The following RNF121 variants were observed in gnomAD, a reference collection of about 807,000 sequenced individuals.
The protein encoded by RNF121 is ring finger protein 121.
RNF121 carries 21 observed loss-of-function variants against 46.5 expected under a neutral mutation model. The ratio of observed to expected loss-of-function variants is 0.45; its 90% CI spans 0.32 to 0.65. The LOEUF is 0.65. Among genes scored for constraint, RNF121 ranks in the 30% least tolerant of loss-of-function variants. RNF121 has a pLI of 0.04. For missense variants in RNF121, 346 were observed against 416.0 expected (o/e 0.83, Z 1.46); for synonymous variants, 139 against 144.7 (o/e 0.96, Z 0.28).
chr11:71,945,862 C>T (rs977301493), intron 1 of RNF121, among the ~76,000 whole-genome samples: 1 of 152,112 alleles, frequency 6.6e-6, no homozygotes, highest in African/African-American at 2.4e-5. Context: ...CCTGTAATCC[C>T]AGCACTTTGG....
At chr11:71,993,601 G>A (rs534424382) in intron 6 of RNF121, among the ~76,000 whole-genome samples, 5 of 152,204 alleles carry the variant, frequency 3.3e-5, no homozygotes, top group African/African-American at 1.2e-4. Flanking sequence ...ATTCATCTGT[G>A]GATAGGCACT....
chr11:71,986,895 C>T (rs1438429065), intron 4 of RNF121, 109 bp from the exon 5 acceptor site: 1 of 704,520 alleles, frequency 1.4e-6, no homozygotes, highest in Non-Finnish European at 2.6e-6. Flanking sequence ...AAGTCCTGAG[C>T]AAAGACCCTG....
chr11:71,950,296 T>C (rs1241743672), intron 1 of RNF121, among the ~76,000 whole-genome samples: 1 of 151,938 alleles, frequency 6.6e-6, no homozygotes, highest in Non-Finnish European at 1.5e-5. Context: ...TAGATTTTTA[T>C]TGATATAGCC....
chr11:71,972,960 G>C (rs1453004727), intron 3 of RNF121, among the ~76,000 whole-genome samples: 1 of 152,036 alleles, frequency 6.6e-6, no homozygotes, highest in Non-Finnish European at 1.5e-5. Flanking sequence ...GCCGAGGCAG[G>C]CGGATCACGT....
intron 3 of RNF121, among the ~76,000 whole-genome samples, chr11:71,962,923 A>G (rs1290349285): frequency 6.6e-6 from 1 of 152,150 alleles, no homozygotes; most frequent in Non-Finnish European, 1.5e-5. Context: ...GTGGATGTAG[A>G]TGTCATTGTG....
chr11:71,994,001 T>C (rs942274516), intron 6 of RNF121, among the ~76,000 whole-genome samples: 3 of 151,924 alleles, frequency 2.0e-5, no homozygotes, highest in East Asian at 3.9e-4. Context: ...CCACCATGCC[T>C]GGCTAATTTT....
intron 1 of RNF121, among the ~76,000 whole-genome samples, chr11:71,948,696 C>T (rs2134162481): frequency 6.6e-6 from 1 of 152,196 alleles, no homozygotes; most frequent in African/African-American, 2.4e-5. Flanking sequence ...CCAGTGTCTG[C>T]ATGATCTCCA....
At chr11:71,970,090 T>C (rs1954387220) in intron 3 of RNF121, among the ~76,000 whole-genome samples, 1 of 152,206 alleles carries the variant, frequency 6.6e-6, no homozygotes, top group Non-Finnish European at 1.5e-5. Flanking sequence ...ACAGGATGGA[T>C]GAACCTTGAA....
chr11:71,997,337 G>A lies in RNF121; in HGVS notation c.*1022G>A, dbSNP rs187898945. ...CAGGGAATATCCCTACATGATTTTT[G>A]TCATTCATGGGTCCTCCCTGGGCCT... On this transcript the variant is annotated 3_prime_UTR_variant, in exon 9 of 9. Coordinates refer to ENST00000361756, the MANE Select transcript of RNF121 (RefSeq NM_018320.5). 6.6e-6 allele frequency: 1 copy of A among 152,278 alleles called. No individual in the cohort carries two copies. The highest frequency in any genetic ancestry group is 1.9e-4 in the East Asian group (1 of 5,170). 9.4% of individuals were successfully genotyped at this position (152,278 alleles called of 1,614,324 possible).
chr11:71,954,382 C>T (rs1025120296), intron 1 of RNF121, among the ~76,000 whole-genome samples: 21 of 152,318 alleles, frequency 1.4e-4, no homozygotes, highest in Admixed American at 1.4e-3. Flanking sequence ...TAATGATCCT[C>T]TAAGCCTCAA....
intron 3 of RNF121, among the ~76,000 whole-genome samples, chr11:71,975,450 C>A (rs1418891480): frequency 2.0e-5 from 3 of 152,202 alleles, no homozygotes; most frequent in South Asian, 2.1e-4. Context: ...GACCTATTGG[C>A]CATCAAGACA....
At chr11:71,948,834 G>C (rs888561710) in intron 1 of RNF121, among the ~76,000 whole-genome samples, 3 of 152,138 alleles carry the variant, frequency 2.0e-5, no homozygotes, top group Non-Finnish European at 4.4e-5. Context: ...CTACAAATGT[G>C]GTAGCCTGTG....
intron 1 of RNF121, among the ~76,000 whole-genome samples, chr11:71,943,912 G>A (rs1163060780): frequency 4.6e-5 from 7 of 152,166 alleles, no homozygotes; most frequent in Non-Finnish European, 2.9e-5. Context: ...GTAGAAGGTG[G>A]GGAGTAATGA....
intron 1 of RNF121, among the ~76,000 whole-genome samples, chr11:71,936,058 A>G: frequency 6.6e-6 from 1 of 151,788 alleles, no homozygotes; most frequent in South Asian, 2.1e-4. Flanking sequence ...CGTGTTAGCC[A>G]GGACGGTCTC....
intron 1 of RNF121, among the ~76,000 whole-genome samples, chr11:71,944,031 A>G (rs942327073): frequency 2.6e-5 from 4 of 152,108 alleles, no homozygotes; most frequent in African/African-American, 4.8e-5. Context: ...GCTGTAGAAG[A>G]GCTTTAAGAA....
chr11:71,954,320 T>C (rs777834912), intron 1 of RNF121, among the ~76,000 whole-genome samples: 4 of 152,198 alleles, frequency 2.6e-5, no homozygotes, highest in Non-Finnish European at 5.9e-5. Context: ...GAGGCAAATA[T>C]TAAAGCCAGA....
At chr11:71,957,674 T>C (rs905991882) in intron 2 of RNF121, among the ~76,000 whole-genome samples, 2 of 152,224 alleles carry the variant, frequency 1.3e-5, no homozygotes, top group Non-Finnish European at 2.9e-5. Context: ...TGTTAACTGC[T>C]TTGAAGATGA....
intron 2 of RNF121, among the ~76,000 whole-genome samples, chr11:71,957,875 G>A (rs1201298335): frequency 6.6e-6 from 1 of 152,150 alleles, no homozygotes; most frequent in Non-Finnish European, 1.5e-5. Context: ...AACTTCACAA[G>A]GTGACTGACC....
chr11:71,933,940 G>T (rs892340175), intron 1 of RNF121, among the ~76,000 whole-genome samples: 2 of 152,196 alleles, frequency 1.3e-5, no homozygotes, highest in African/African-American at 4.8e-5. Flanking sequence ...ATCCCCGTGA[G>T]AATTGAGTTA....
Sources: allele counts gnomAD v4.1 joint callset (sites outside exome capture counted in the v4.1 genomes callset), GRCh38; gene constraint gnomAD v4.1.1; transcripts MANE v1.5; gene names NCBI Gene and HGNC (gene_info 2026-07-23, HGNC 2026-07-21).